The following ATRNL1 variants were observed in gnomAD, a reference collection of about 807,000 sequenced individuals.
ATRNL1 encodes attractin-like protein 1.
ATRNL1 carries 95 observed loss-of-function variants against 182.7 expected under a neutral mutation model. The ratio of observed to expected loss-of-function variants is 0.52; its 90% CI spans 0.44 to 0.62. The LOEUF is 0.62. ATRNL1 is among the 20% of genes least tolerant of loss of function. ATRNL1 has a pLI of 0.00. For synonymous variants in ATRNL1, 576 were observed against 568.3 expected (o/e 1.01, Z -0.19); for missense variants, 1,471 against 1,679.5 (o/e 0.88, Z 2.17).
At chr10:115,574,736 T>G (rs1555004606) in intron 26 of ATRNL1, among the ~76,000 whole-genome samples, 1 of 152,186 alleles carries the variant, frequency 6.6e-6, no homozygotes, top group African/African-American at 2.4e-5. Context: ...CAAAGCCAGT[T>G]AAGGTTTGCT....
At chr10:115,363,215 A>C (rs71484985) in intron 19 of ATRNL1, among the ~76,000 whole-genome samples, 45,484 of 149,444 alleles carry the variant, frequency 0.3, 7,492 homozygotes, top group Middle Eastern at 0.45. Flanking sequence ...TCGCCATTCT[A>C]AATGGTGTGA....
At chr10:115,713,696 TCTATCTATCATC>T (rs1269278669) in intron 26 of ATRNL1, among the ~76,000 whole-genome samples, 11 of 114,296 alleles carry the variant, frequency 9.6e-5, no homozygotes, top group Non-Finnish European at 1.2e-4. Flanking sequence ...TATCTATCTA[TCTATCTATCATC>T]TATCTATCTA....
chr10:115,623,884 G>A (rs1287909320), intron 26 of ATRNL1, among the ~76,000 whole-genome samples: 1 of 151,994 alleles, frequency 6.6e-6, no homozygotes, highest in Non-Finnish European at 1.5e-5. Context: ...TTTCAACGGG[G>A]CCAAGCAGTC....
rs1381173531 is a variant in ATRNL1 at position 115,093,988 on chromosome 10, C to T, written c.238C>T (p.Leu80Phe). 9 of 1,584,334 alleles carry T rather than the reference C, an allele frequency of 5.7e-6. No homozygotes were observed. Among genetic ancestry groups the T allele is most frequent in the Non-Finnish European group, 7.7e-6 (9 of 1,167,008 alleles). Residue 80 changes from leucine (L) to phenylalanine (F), a missense_variant, in exon 1 of 29, where the codon CTC (leucine) becomes TTC (phenylalanine). Physicochemically the swap from Leu to Phe is conservative, Grantham distance 22. Transcript: ENST00000355044. This position sits in a 1 kb window ranked among gnomAD's most constrained non-coding sequence, Gnocchi z 6.1. ...GGGCCGCTGTGTCAACTCCACCTGCCTCTGCGACCCGGGCTGGGTGGGGGA... is the reference window on the plus strand; with the variant it reads ...GGGCCGCTGTGTCAACTCCACCTGCTTCTGCGACCCGGGCTGGGTGGGGGA... The part of the protein sequence containing the change: ...FSGRCVNSTC[L>F]CDPGWVGDQC...
At chr10:115,364,106 G>A (rs1279063644) in intron 19 of ATRNL1, among the ~76,000 whole-genome samples, 1 of 146,008 alleles carries the variant, frequency 6.8e-6, no homozygotes, top group East Asian at 2.0e-4. Flanking sequence ...AAATTACCTT[G>A]GGCAGTATGG....
intron 19 of ATRNL1, among the ~76,000 whole-genome samples, chr10:115,384,030 A>G (rs1858188792): frequency 6.6e-6 from 1 of 152,044 alleles, no homozygotes; most frequent in South Asian, 2.1e-4. Flanking sequence ...GGCACAATTT[A>G]ACAGTACAGA....
intron 19 of ATRNL1, among the ~76,000 whole-genome samples, chr10:115,363,872 A>G (rs1266698431): frequency 2.1e-4 from 31 of 148,064 alleles, no homozygotes; most frequent in Non-Finnish European, 2.9e-4. Context: ...TGTTCCATTG[A>G]TCTATATCTC....
intron 20 of ATRNL1, among the ~76,000 whole-genome samples, chr10:115,406,141 C>T (rs1034241094): frequency 2.0e-5 from 3 of 151,910 alleles, no homozygotes; most frequent in South Asian, 2.1e-4. Flanking sequence ...TGAGTAGTGC[C>T]GCAATAAACA....
intron 26 of ATRNL1, among the ~76,000 whole-genome samples, chr10:115,691,416 C>G (rs184453451): frequency 1.3e-5 from 2 of 152,062 alleles, no homozygotes; most frequent in Non-Finnish European, 2.9e-5. Flanking sequence ...ATTTGTATAC[C>G]TTCTTTGAAA....
chr10:115,350,877 A>G (rs562427728), intron 19 of ATRNL1, among the ~76,000 whole-genome samples: 8 of 152,238 alleles, frequency 5.3e-5, no homozygotes, highest in African/African-American at 1.9e-4. Flanking sequence ...TATTTTAACA[A>G]TATTTGTTCT....
Position 115,727,235 on chromosome 10 carries a change from T to C in ATRNL1, c.3796-13T>C. On this transcript the variant is annotated splice_polypyrimidine_tract_variant and intron_variant, in intron 26 of 28. Coordinates refer to ENST00000355044, the MANE Select transcript of ATRNL1 (RefSeq NM_207303.4). Reference sequence around the variant, plus strand: ...AACCTATTTTAAGATAAATCATTTTTAACCCCCTCCAGCAACTGCTTCGAG... The same window carrying C: ...AACCTATTTTAAGATAAATCATTTTCAACCCCCTCCAGCAACTGCTTCGAG... The C allele has an allele frequency of 6.3e-7, 1 of 1,593,486 alleles. No homozygotes were observed. Among genetic ancestry groups the C allele is most frequent in the Non-Finnish European group, 8.6e-7 (1 of 1,160,864 alleles).
intron 24 of ATRNL1, among the ~76,000 whole-genome samples, chr10:115,489,975 T>C (rs568474583): frequency 6.6e-6 from 1 of 152,244 alleles, no homozygotes; most frequent in Non-Finnish European, 1.5e-5. Context: ...TTTCTCCTTC[T>C]CTTTTGAAGC....
chr10:115,929,527 A>G (rs1953333790), intron 28 of ATRNL1, among the ~76,000 whole-genome samples: 2 of 152,142 alleles, frequency 1.3e-5, no homozygotes, highest in Non-Finnish European at 2.9e-5. Flanking sequence ...CATGCCAGGT[A>G]TGAAGGAACC....
intron 21 of ATRNL1, among the ~76,000 whole-genome samples, chr10:115,431,348 C>T (rs532823127): frequency 1.0e-4 from 15 of 144,538 alleles, no homozygotes; most frequent in South Asian, 2.2e-4. Context: ...GTGGAGGTTG[C>T]GGAGAACTGA....
rs541598752 is a variant in ATRNL1 at position 115,163,541 on chromosome 10, T to G, written c.1005-2017T>G. On this transcript the variant is annotated intron_variant, in intron 6 of 28. Coordinates refer to ENST00000355044, the MANE Select transcript of ATRNL1 (RefSeq NM_207303.4). ...ACTATGCCTGGCTAATTTTTAAATT[T>G]TTTTGTAGAGGCGGGGTCTCCCTAT... 2.0e-5 allele frequency among the ~76,000 whole-genome samples: 3 copies of G among 152,118 alleles called. No individual in the cohort carries two copies. The East Asian group carries it at 5.8e-4, about 30-fold the overall frequency.
At chr10:115,172,854 T>A (rs555436957) in intron 8 of ATRNL1, among the ~76,000 whole-genome samples, 48 of 148,322 alleles carry the variant, frequency 3.2e-4, no homozygotes, top group African/African-American at 1.0e-3. Flanking sequence ...TTTTTTTTTT[T>A]ATGATATCCG....
intron 19 of ATRNL1, among the ~76,000 whole-genome samples, chr10:115,355,329 T>A (rs1304715983): frequency 6.6e-6 from 1 of 152,150 alleles, no homozygotes; most frequent in African/African-American, 2.4e-5. Context: ...AATTACTTAT[T>A]TCTGTGGTCC....
At chr10:115,629,794 T>C (rs1592974552) in intron 26 of ATRNL1, among the ~76,000 whole-genome samples, 1 of 152,096 alleles carries the variant, frequency 6.6e-6, no homozygotes, top group Non-Finnish European at 1.5e-5. Flanking sequence ...TTCCTGAAGA[T>C]AAAAAGTCCT....
At chr10:115,537,905 C>T (rs530363862) in intron 25 of ATRNL1, among the ~76,000 whole-genome samples, 10 of 152,274 alleles carry the variant, frequency 6.6e-5, no homozygotes, top group South Asian at 6.2e-4. Context: ...CACCCCTACA[C>T]GCTGGCAACC....
Sources: gnomAD v4.1 joint callset for allele counts (sites outside exome capture counted in the v4.1 genomes callset) on GRCh38, gnomAD v4.1.1 for gene constraint, Gnocchi (gnomAD v3.1) non-coding constraint, MANE v1.5 for transcripts, NCBI Gene and HGNC (gene_info 2026-07-23, HGNC 2026-07-21) for gene names.